CEP85L: variants seen among roughly 807,000 people sequenced by gnomAD.
CEP85L encodes centrosomal protein 85L.
Under a neutral mutation model 100.3 loss-of-function variants are expected in CEP85L, and 60 were observed. The observed-to-expected ratio is 0.60, with a 90% CI of 0.49 to 0.74. The LOEUF (loss-of-function observed/expected upper bound fraction) is 0.74. CEP85L is among the 30% of genes least tolerant of loss of function. The probability of loss-of-function intolerance (pLI) is 0.00; values close to 1 mark genes in which losing one functional copy is unlikely to be tolerated. For missense variants in CEP85L, 973 were observed against 936.2 expected, an observed-to-expected ratio of 1.04 and a Z score of -0.51; for synonymous variants, 319 against 322.7, an observed-to-expected ratio of 0.99 and a Z score of 0.12.
At chr6:118,679,461 G>A (rs1240865758) in intron 1 of CEP85L, among the ~76,000 whole-genome samples, 1 of 152,208 alleles carries the variant, frequency 6.6e-6, no homozygotes, top group East Asian at 1.9e-4. Flanking sequence ...TGTGGACACT[G>A]GATTTGCTAT....
At chr6:118,699,729 T>C (rs1255100825) in intron 1 of CEP85L, among the ~76,000 whole-genome samples, 1 of 152,256 alleles carries the variant, frequency 6.6e-6, no homozygotes, top group East Asian at 1.9e-4. Context: ...TCTCACTCTG[T>C]CATGCAGGCT....
intron 6 of CEP85L, among the ~76,000 whole-genome samples, 174 bp from the exon 7 acceptor site, chr6:118,484,032 G>A (rs1281223828): frequency 2.0e-5 from 3 of 152,164 alleles, no homozygotes; most frequent in African/African-American, 4.8e-5. Context: ...TACACTTGCC[G>A]GGTGTGGTGG....
At chr6:118,505,409 CAAAAAAAAAAAAA>C (rs56893664) in intron 5 of CEP85L, among the ~76,000 whole-genome samples, 89 of 71,814 alleles carry the variant, frequency 1.2e-3, no homozygotes, top group Admixed American at 2.3e-3. Context: ...TCACTGTACT[CAAAAAAAAAAAAA>C]AAAAAAAAAA....
At chr6:118,503,256 G>A (rs997921194) in intron 5 of CEP85L, among the ~76,000 whole-genome samples, 5 of 152,082 alleles carry the variant, frequency 3.3e-5, no homozygotes, top group African/African-American at 1.2e-4. Context: ...TCTATATGAA[G>A]ACAACTATAA....
At chr6:118,480,752 G>C (rs1582876931) in intron 8 of CEP85L, among the ~76,000 whole-genome samples, 2 of 152,220 alleles carry the variant, frequency 1.3e-5, no homozygotes, top group Admixed American at 6.5e-5. Context: ...CCAGAGTCCA[G>C]AGTTGCTCAG....
chr6:118,627,901 G>A (rs778864156), intron 2 of CEP85L, among the ~76,000 whole-genome samples: 5 of 151,976 alleles, frequency 3.3e-5, no homozygotes, highest in African/African-American at 4.8e-5. Context: ...CTAGTCTTCC[G>A]GGTGGTTAAA....
intron 3 of CEP85L, among the ~76,000 whole-genome samples, chr6:118,549,033 G>T (rs1377419734): frequency 6.6e-6 from 1 of 151,842 alleles, no homozygotes; most frequent in African/African-American, 2.4e-5. Context: ...TTAATAAATT[G>T]AGTTACTGAT....
intron 10 of CEP85L, among the ~76,000 whole-genome samples, chr6:118,477,500 C>T (rs1773472454): frequency 6.6e-6 from 1 of 152,020 alleles, no homozygotes; most frequent in African/African-American, 2.4e-5. Flanking sequence ...TGAAACAATG[C>T]CCTATTTTTT....
chr6:118,694,392 A>C (rs549686382), intron 1 of CEP85L, among the ~76,000 whole-genome samples: 1 of 152,354 alleles, frequency 6.6e-6, no homozygotes, highest in Non-Finnish European at 1.5e-5. Flanking sequence ...GTTAAAATAT[A>C]AATATGTATC....
At chr6:118,647,102 T>A (rs778559022) in intron 1 of CEP85L, 1 of 982,524 alleles carries the variant, frequency 1.0e-6, no homozygotes, top group Non-Finnish European at 1.2e-6. Context: ...GTTACCACAG[T>A]ATTCCTAGAA....
At chr6:118,559,006 C>A in intron 3 of CEP85L, 1 of 1,609,586 alleles carries the variant, frequency 6.2e-7, no homozygotes, top group Non-Finnish European at 8.5e-7. Flanking sequence ...TCAAAAGCTA[C>A]AGAATCTATT....
chr6:118,503,190 C>T (rs1267349245), intron 5 of CEP85L, among the ~76,000 whole-genome samples: 1 of 152,154 alleles, frequency 6.6e-6, no homozygotes, highest in Non-Finnish European at 1.5e-5. Context: ...TCACTACCAT[C>T]TATATAAGCA....
intron 3 of CEP85L, among the ~76,000 whole-genome samples, chr6:118,556,807 G>A (rs1187033181): frequency 6.6e-6 from 1 of 151,992 alleles, no homozygotes; most frequent in Non-Finnish European, 1.5e-5. Flanking sequence ...TGACACATAA[G>A]TATACTGATT....
intron 1 of CEP85L, among the ~76,000 whole-genome samples, chr6:118,696,144 G>A (rs1777202774): frequency 6.6e-6 from 1 of 152,076 alleles, no homozygotes; most frequent in African/African-American, 2.4e-5. Flanking sequence ...GGTGGCACAT[G>A]CCTGTAATTC....
At chr6:118,481,990 A>C (rs1773821751) in intron 7 of CEP85L, 57 bp from the exon 8 acceptor site, 1 of 1,067,438 alleles carries the variant, frequency 9.4e-7, no homozygotes, top group Admixed American at 3.3e-5. Context: ...CGCTTCTATT[A>C]GAAACTGTTA....
At chr6:118,702,601 A>G (rs191003459) in intron 1 of CEP85L, among the ~76,000 whole-genome samples, 1 of 152,252 alleles carries the variant, frequency 6.6e-6, no homozygotes, top group South Asian at 2.1e-4. Flanking sequence ...ATTTCTTTAT[A>G]TAGACCTTTT....
chr6:118,601,554 CTTAT>C (rs1337876468), intron 2 of CEP85L, among the ~76,000 whole-genome samples: 3 of 152,016 alleles, frequency 2.0e-5, no homozygotes, highest in South Asian at 4.2e-4. Context: ...GGGTATCATC[CTTAT>C]TTATTTGAGC....
Position 118,566,082 on chromosome 6 carries a change from C to G in CEP85L, c.467G>C (p.Trp156Ser), listed in dbSNP as rs749064259. The change falls in exon 3 of 13, where the codon TGG becomes TCG. Residue 156 changes from tryptophan (W) to serine (S), a missense_variant. Trp to Ser is a radical substitution (Grantham distance 177). This residue lies in a region of CEP85L where 890 missense variants were observed against 844.5 expected (regional missense o/e 1.05). Coordinates refer to ENST00000368491, the MANE Select transcript of CEP85L (RefSeq NM_001042475.3). ...GGCAGTGAGTTTGGATAAAGATGAC[C>G]ATTTCCGAAGTGGCCGGAAGTCCTT... ...DMKDFRPLRK[W>S]SSLSKLTAPD... 1.2e-6 allele frequency: 2 copies of G among 1,614,164 alleles called. No homozygotes were observed. Among genetic ancestry groups the G allele is most frequent in the South Asian group, 2.2e-5 (2 of 91,082 alleles).
intron 2 of CEP85L, among the ~76,000 whole-genome samples, chr6:118,575,330 AG>A (rs1303006007): frequency 1.3e-5 from 2 of 152,278 alleles, no homozygotes; most frequent in Non-Finnish European, 2.9e-5. Context: ...TTTAAACCAA[AG>A]AACCTACTCT....
Sources: allele counts gnomAD v4.1 joint callset (sites outside exome capture counted in the v4.1 genomes callset), GRCh38; gene constraint gnomAD v4.1.1; regional missense constraint gnomAD v4.1.1; transcripts MANE v1.5; gene names NCBI Gene and HGNC (gene_info 2026-07-23, HGNC 2026-07-21).